The following SCD5 variants were observed in gnomAD, a reference collection of about 807,000 sequenced individuals.
SCD5 encodes the protein acyl-CoA-desaturase 4.
Under a neutral mutation model 30.4 loss-of-function variants are expected in SCD5, and 20 were observed. That is an observed-to-expected ratio of 0.66 (90% CI 0.46 to 0.96). The LOEUF is 0.96. SCD5 is among the 40% of genes least tolerant of loss of function. SCD5 has a pLI of 0.00. For missense variants in SCD5, 381 were observed against 443.3 expected (o/e 0.86, Z 1.26); for synonymous variants, 173 against 176.4 (o/e 0.98, Z 0.16).
chr4:82,649,218 T>C (rs1355337099), intron 3 of SCD5, among the ~76,000 whole-genome samples: 5 of 134,200 alleles, frequency 3.7e-5, no homozygotes, highest in African/African-American at 1.4e-4. Flanking sequence ...TGTGTGTGTG[T>C]GTGAGATTCT....
At chr4:82,675,384 AAC>A (rs1238976951) in intron 3 of SCD5, among the ~76,000 whole-genome samples, 1 of 152,196 alleles carries the variant, frequency 6.6e-6, no homozygotes, top group African/African-American at 2.4e-5. Context: ...GACTAGAGAT[AAC>A]AGACTAGGGG....
At chr4:82,752,324 A>G (rs1424475169) in intron 1 of SCD5, among the ~76,000 whole-genome samples, 1 of 151,416 alleles carries the variant, frequency 6.6e-6, no homozygotes, top group Non-Finnish European at 1.5e-5. Flanking sequence ...ACACTCCAAA[A>G]TGGTGTCTGT....
At chr4:82,730,641 A>G (rs1720619545) in intron 1 of SCD5, among the ~76,000 whole-genome samples, 1 of 133,422 alleles carries the variant, frequency 7.5e-6, no homozygotes, top group Non-Finnish European at 1.5e-5. Context: ...GCTGGAGTGC[A>G]GTGGCGGGAT....
At chr4:82,713,743 A>T (rs1305601076) in intron 1 of SCD5, among the ~76,000 whole-genome samples, 2 of 152,178 alleles carry the variant, frequency 1.3e-5, no homozygotes, top group African/African-American at 4.8e-5. Flanking sequence ...CATGACCACT[A>T]ACCTCAATTG....
At chr4:82,658,287 G>A (rs562125403) in intron 3 of SCD5, among the ~76,000 whole-genome samples, 4 of 152,170 alleles carry the variant, frequency 2.6e-5, no homozygotes, top group African/African-American at 7.2e-5. Context: ...CTAGTTTATT[G>A]AGAGTTTTTA....
chr4:82,631,251 T>C lies in SCD5; in HGVS notation c.*76A>G. The C allele has an allele frequency of 7.9e-7, 1 of 1,272,956 alleles. No individual in the cohort carries two copies. Among genetic ancestry groups the C allele is most frequent in the South Asian group, 1.6e-5 (1 of 64,108 alleles). The allele number at this position is 1,272,956 out of a possible 1,614,324, so 78.9% of individuals were successfully genotyped here. On this transcript the variant is annotated 3_prime_UTR_variant, in exon 5 of 5. Transcript: ENST00000319540. ...CCCTCTGCCCCCTCCCACGATCCAA[T>C]GTACAAGAGAGCTATTGTAACCAAA...
chr4:82,687,961 A>G (rs1025405434), intron 2 of SCD5, among the ~76,000 whole-genome samples: 1 of 152,228 alleles, frequency 6.6e-6, no homozygotes, highest in African/African-American at 2.4e-5. Context: ...AAATGTAAAC[A>G]GCATTTAGCT....
At chr4:82,719,793 G>T (rs137868948) in intron 1 of SCD5, among the ~76,000 whole-genome samples, 1 of 149,444 alleles carries the variant, frequency 6.7e-6, no homozygotes, top group Non-Finnish European at 1.5e-5. Flanking sequence ...ATGAGCCACC[G>T]CGCCCGGCCA....
intron 4 of SCD5, among the ~76,000 whole-genome samples, chr4:82,636,255 C>G (rs958952372): frequency 4.7e-5 from 7 of 150,430 alleles, no homozygotes; most frequent in Admixed American, 2.0e-4. Context: ...ATCCTGGCCA[C>G]CATGGTGAAA....
intron 1 of SCD5, among the ~76,000 whole-genome samples, chr4:82,779,276 G>T (rs933007073): frequency 2.0e-5 from 3 of 151,914 alleles, no homozygotes; most frequent in Non-Finnish European, 2.9e-5. Context: ...AGGCCAGCGT[G>T]ATGTCATGTG....
At chr4:82,673,789 C>T (rs1728379415) in intron 3 of SCD5, among the ~76,000 whole-genome samples, 1 of 152,104 alleles carries the variant, frequency 6.6e-6, no homozygotes, top group Non-Finnish European at 1.5e-5. Flanking sequence ...CAGTGTGGTA[C>T]TGGCACAAGA....
intron 1 of SCD5, among the ~76,000 whole-genome samples, chr4:82,762,729 A>G (rs1721404149): frequency 6.6e-6 from 1 of 152,266 alleles, no homozygotes; most frequent in Non-Finnish European, 1.5e-5. Flanking sequence ...TCTCCTGGGT[A>G]TCTGAAGAAA....
rs1349835584 is a variant in SCD5 at position 82,680,748 on chromosome 4, G to A, written c.528C>T (p.Val176=). Residue 176 remains valine, a synonymous_variant, in exon 3 of 5, where the codon GTC becomes GTT. Transcript: ENST00000319540. The part of the protein sequence containing the change: ...DVIEKGRKLD[V]TDLLADPVVR... The stretch of plus-strand genomic sequence containing the variant: ...CCACAGGATCAGCAAGCAGGTCAGT[G>A]ACGTCAAGCTTTCTCCCCTTCTCAA... 2 of 1,614,026 alleles carry A rather than the reference G, an allele frequency of 1.2e-6. No homozygotes were observed. The highest frequency in any genetic ancestry group is 2.7e-5 in the African/African-American group (2 of 74,892).
chr4:82,631,039 A>G lies in SCD5; in HGVS notation c.*288T>C, dbSNP rs1268281352. 11 of 212,744 alleles carry G rather than the reference A, an allele frequency of 5.2e-5. No individual in the cohort carries two copies. Among genetic ancestry groups the G allele is most frequent in the Non-Finnish European group, 9.3e-5 (10 of 107,774 alleles). 13.2% of individuals were successfully genotyped at this position (212,744 alleles called of 1,614,324 possible). A position where few individuals can be genotyped will look rare whatever the true frequency, so the allele number is the denominator to read the frequency against. On this transcript the variant is annotated 3_prime_UTR_variant, in exon 5 of 5. Coordinates refer to ENST00000319540, the MANE Select transcript of SCD5 (RefSeq NM_001037582.3). ...GGCAGGAGAATTGCTTGAACCAGGTAGGTGGAGGCTGCAGTGAGCCGAGAC... is the reference window on the plus strand; with the variant it reads ...GGCAGGAGAATTGCTTGAACCAGGTGGGTGGAGGCTGCAGTGAGCCGAGAC...
At chr4:82,723,029 A>T (rs562347274) in intron 1 of SCD5, among the ~76,000 whole-genome samples, 1 of 148,122 alleles carries the variant, frequency 6.8e-6, no homozygotes, top group South Asian at 2.2e-4. Flanking sequence ...GTGAGCCGAG[A>T]TCGCGCCATT....
chr4:82,651,451 T>C (rs1335319511), intron 3 of SCD5, among the ~76,000 whole-genome samples: 1 of 151,382 alleles, frequency 6.6e-6, no homozygotes, highest in Non-Finnish European at 1.5e-5. Context: ...CACTGGACTT[T>C]GGGGACTTGG....
chr4:82,702,065 G>A (rs572440584), intron 2 of SCD5, among the ~76,000 whole-genome samples: 21 of 149,664 alleles, frequency 1.4e-4, no homozygotes, highest in East Asian at 1.2e-3. Context: ...GAATACAAGC[G>A]TTCAGGTTCA....
At chr4:82,765,411 T>C (rs1277460944) in intron 1 of SCD5, among the ~76,000 whole-genome samples, 1 of 152,166 alleles carries the variant, frequency 6.6e-6, no homozygotes, top group South Asian at 2.1e-4. Flanking sequence ...TCCCTTGGTA[T>C]CCACAGTGAA....
intron 1 of SCD5, among the ~76,000 whole-genome samples, chr4:82,784,803 G>C (rs1475238424): frequency 6.6e-6 from 1 of 152,198 alleles, no homozygotes; most frequent in South Asian, 2.1e-4. Context: ...AAAAATATCT[G>C]ACAACCCACA....
Sources: gnomAD v4.1 joint callset for allele counts (sites outside exome capture counted in the v4.1 genomes callset) on GRCh38, gnomAD v4.1.1 for gene constraint, MANE v1.5 for transcripts, NCBI Gene and HGNC (gene_info 2026-07-23, HGNC 2026-07-21) for gene names.